Variants in EGFR observed in about 807,000 individuals in gnomAD.
EGFR encodes the protein epidermal growth factor receptor.
Under a neutral mutation model 143.0 loss-of-function variants are expected in EGFR, and 58 were observed. The observed-to-expected ratio is 0.41, with a 90% CI of 0.33 to 0.50. The LOEUF is 0.50. EGFR is among the 20% of genes least tolerant of loss of function. The probability of loss-of-function intolerance (pLI) is 0.39; values close to 1 mark genes in which losing one functional copy is unlikely to be tolerated. For missense variants in EGFR, 1,307 were observed against 1,579.0 expected, an observed-to-expected ratio of 0.83 and a Z score of 2.92; for synonymous variants, 613 against 594.4, an observed-to-expected ratio of 1.03 and a Z score of -0.45.
At chr7:55,157,097 T>C (rs1160692769) in intron 10 of EGFR, 4 of 791,498 alleles carry the variant, frequency 5.1e-6, no homozygotes, top group East Asian at 3.2e-5. Flanking sequence ...TGGTGGCCCA[T>C]AACCCCTGAG....
chr7:55,072,560 T>C (rs1386901731), intron 1 of EGFR, among the ~76,000 whole-genome samples: 1 of 152,216 alleles, frequency 6.6e-6, no homozygotes, highest in Non-Finnish European at 1.5e-5. Context: ...GCCGTTCCCT[T>C]TTTTAGGGAA....
intron 1 of EGFR, among the ~76,000 whole-genome samples, chr7:55,022,035 G>A (rs567253614): frequency 5.3e-5 from 8 of 152,316 alleles, no homozygotes; most frequent in African/African-American, 1.9e-4. Flanking sequence ...AAAGGGCCCA[G>A]GGAGCCGGCT....
At chr7:55,122,405 A>C (rs7804688) in intron 1 of EGFR, among the ~76,000 whole-genome samples, 4 of 152,196 alleles carry the variant, frequency 2.6e-5, no homozygotes, top group Non-Finnish European at 4.4e-5. Flanking sequence ...TGTGTCCTCA[A>C]TGGGCTGCTG....
intron 1 of EGFR, among the ~76,000 whole-genome samples, chr7:55,068,505 A>G (rs538193787): frequency 1.2e-4 from 18 of 152,286 alleles, no homozygotes; most frequent in African/African-American, 3.9e-4. Context: ...GCCCCAGAAC[A>G]AGGTCAATGC....
chr7:55,036,274 G>T (rs1206143661), intron 1 of EGFR, among the ~76,000 whole-genome samples: 877 of 86,168 alleles, frequency 0.01, 20 homozygotes, highest in South Asian at 0.051. Flanking sequence ...GTGTGTGTGG[G>T]GGGGGGGGGG....
At chr7:55,172,044 C>T (rs1786375887) in intron 16 of EGFR, among the ~76,000 whole-genome samples, 1 of 152,208 alleles carries the variant, frequency 6.6e-6, no homozygotes, top group South Asian at 2.1e-4. Context: ...GGGTCCCCTT[C>T]CACTCCCATC....
At chr7:55,180,840 G>A (rs534355125) in intron 19 of EGFR, 5 of 220,046 alleles carry the variant, frequency 2.3e-5, no homozygotes, top group East Asian at 1.1e-4. Flanking sequence ...CACAGCCAGC[G>A]TTCCTGATGT....
At chr7:55,192,662 C>A in intron 21 of EGFR, 104 bp from the exon 22 acceptor site, 1 of 1,053,472 alleles carries the variant, frequency 9.5e-7, no homozygotes, top group Non-Finnish European at 1.5e-6. Context: ...GGTGATCTGG[C>A]TCGTCTGTGT....
At chr7:55,051,195 A>G (rs951488194) in intron 1 of EGFR, among the ~76,000 whole-genome samples, 19 of 152,188 alleles carry the variant, frequency 1.2e-4, no homozygotes. Context: ...GTCACCAGTG[A>G]AGTGACATGT....
chr7:55,093,289 G>T (rs1314852785), intron 1 of EGFR, among the ~76,000 whole-genome samples: 3 of 152,120 alleles, frequency 2.0e-5, no homozygotes, highest in African/African-American at 7.2e-5. Context: ...TCTGATTTCC[G>T]TGTTTGAAAT....
intron 1 of EGFR, among the ~76,000 whole-genome samples, chr7:55,059,708 G>A (rs1789055090): frequency 6.6e-6 from 1 of 151,888 alleles, no homozygotes; most frequent in Non-Finnish European, 1.5e-5. Flanking sequence ...CTTATTGTAT[G>A]TACACCATAT....
In EGFR at chr7:55,143,781, C is replaced by A. The variant is rs1278569052; in HGVS notation, c.424+293C>A. On this transcript the variant is annotated intron_variant, in intron 3 of 27. Transcript: ENST00000275493. Reference sequence around the variant, plus strand: ...CTGAGTAAAAGAGAGTATGACCAAACAAGCTGAGCAGGAATCGTGAATCTA... The same window carrying A: ...CTGAGTAAAAGAGAGTATGACCAAAAAAGCTGAGCAGGAATCGTGAATCTA... Among the ~76,000 whole-genome samples, 4 of 152,142 alleles carry A rather than the reference C, an allele frequency of 2.6e-5. No individual in the cohort carries two copies. The East Asian group carries it at 5.8e-4, about 22-fold the overall frequency.
At chr7:55,081,369 A>T (rs899429167) in intron 1 of EGFR, among the ~76,000 whole-genome samples, 1 of 152,094 alleles carries the variant, frequency 6.6e-6, no homozygotes, top group Non-Finnish European at 1.5e-5. Context: ...ATCTTTTCCT[A>T]GACTGTTCAC....
chr7:55,119,415 T>C (rs1793065390), intron 1 of EGFR: 1 of 152,218 alleles, frequency 6.6e-6, no homozygotes. Context: ...GCTCTGATGC[T>C]GTACATCCCC....
In EGFR at chr7:55,192,854, C is replaced by T. The variant is rs2128965649; in HGVS notation, c.2701+13C>T. The T allele has an allele frequency of 6.2e-7, 1 of 1,613,332 alleles. No homozygotes were observed. Among genetic ancestry groups the T allele is most frequent in the South Asian group, 1.1e-5 (1 of 91,062 alleles). Reference sequence around the variant, plus strand: ...GTCTGGAGCTACGGTGAGTCATAATCCTGATGCTAATGAGTTTGTACTGAG... The same window carrying T: ...GTCTGGAGCTACGGTGAGTCATAATTCTGATGCTAATGAGTTTGTACTGAG... On this transcript the variant is annotated intron_variant, in intron 22 of 27. Coordinates refer to ENST00000275493, the MANE Select transcript of EGFR (RefSeq NM_005228.5).
chr7:55,204,506 CACACAA>C (rs1788018859), intron 27 of EGFR, among the ~76,000 whole-genome samples: 1 of 143,764 alleles, frequency 7.0e-6, no homozygotes, highest in Admixed American at 7.0e-5. Flanking sequence ...ACCCCACACA[CACACAA>C]ACATATACAC....
In EGFR at chr7:55,160,480, C is replaced by T. The variant is rs759162; in HGVS notation, c.1498+142C>T. 675,370 of 903,888 alleles carry T rather than the reference C, an allele frequency of 0.75. 255,622 individuals carry two copies. The highest frequency in any genetic ancestry group is 1 in the East Asian group (37,237 of 37,328). 56.0% of individuals were successfully genotyped at this position (903,888 alleles called of 1,614,324 possible). On this transcript the variant is annotated intron_variant, in intron 12 of 27. Coordinates refer to ENST00000275493, the MANE Select transcript of EGFR (RefSeq NM_005228.5). ...CAAATTAAAATCTTAAGATTCCTAACTGTGAAATTACCATGTGAATTCCAT... is the reference window on the plus strand; with the variant it reads ...CAAATTAAAATCTTAAGATTCCTAATTGTGAAATTACCATGTGAATTCCAT...
chr7:55,105,972 G>A (rs187750805), intron 1 of EGFR, among the ~76,000 whole-genome samples: 54 of 152,306 alleles, frequency 3.5e-4, no homozygotes, highest in African/African-American at 1.2e-3. Flanking sequence ...CATAACATGA[G>A]AAGGGCTGAC....
At chr7:55,202,231 G>C (rs1420639409) in intron 26 of EGFR, among the ~76,000 whole-genome samples, 3 of 152,254 alleles carry the variant, frequency 2.0e-5, no homozygotes, top group Non-Finnish European at 4.4e-5. Context: ...CACATGTGAA[G>C]TGTCCAGTAG....
Sources: gnomAD v4.1 joint callset for allele counts (sites outside exome capture counted in the v4.1 genomes callset) on GRCh38, gnomAD v4.1.1 for gene constraint, MANE v1.5 for transcripts, NCBI Gene and HGNC (gene_info 2026-07-23, HGNC 2026-07-21) for gene names.